The following SDK1 variants were observed in gnomAD, a reference collection of about 807,000 sequenced individuals.
The protein encoded by SDK1 is protein sidekick-1.
A neutral mutation model predicts 245.5 loss-of-function variants in SDK1; 157 were observed. That is an observed-to-expected ratio of 0.64 (90% CI 0.56 to 0.73). The LOEUF is 0.73. Among genes scored for constraint, SDK1 ranks in the 30% least tolerant of loss-of-function variants. SDK1 has a pLI of 0.00. For synonymous variants in SDK1, 1,647 were observed against 1,278.5 expected (o/e 1.29, Z -6.15); for missense variants, 3,583 against 3,002.3 (o/e 1.19, Z -4.52).
At chr7:3,417,034 C>T (rs1223521291) in intron 1 of SDK1, among the ~76,000 whole-genome samples, 2 of 151,932 alleles carry the variant, frequency 1.3e-5, no homozygotes, top group African/African-American at 4.8e-5. Flanking sequence ...ATTAGCTGGG[C>T]ATGATGGCAT....
intron 6 of SDK1, 69 bp from the exon 7 acceptor site, chr7:3,951,661 C>G: frequency 7.0e-7 from 1 of 1,422,888 alleles, no homozygotes; most frequent in South Asian, 1.2e-5. Context: ...GTGCCGAGTG[C>G]CTGAGATGAT....
intron 1 of SDK1, among the ~76,000 whole-genome samples, chr7:3,550,452 A>G (rs1014475327): frequency 1.3e-5 from 2 of 152,232 alleles, no homozygotes; most frequent in East Asian, 1.9e-4. Flanking sequence ...TGACTAAGGC[A>G]TGTGCCTCAT....
At chr7:3,900,498 G>A (rs906539658) in intron 5 of SDK1, among the ~76,000 whole-genome samples, 5 of 151,920 alleles carry the variant, frequency 3.3e-5, no homozygotes, top group African/African-American at 9.7e-5. Flanking sequence ...TGCTTCTCTC[G>A]TCCTGCCCAT....
intron 2 of SDK1, among the ~76,000 whole-genome samples, chr7:3,623,495 C>T (rs943578282): frequency 6.6e-6 from 1 of 152,092 alleles, no homozygotes; most frequent in Non-Finnish European, 1.5e-5. Context: ...CCTGTCTCAG[C>T]CTCCCAAAGT....
intron 1 of SDK1, among the ~76,000 whole-genome samples, chr7:3,524,527 A>AGT (rs977294827): frequency 7.2e-5 from 11 of 152,046 alleles, no homozygotes; most frequent in Middle Eastern, 6.8e-3. Flanking sequence ...TGGGTTATGG[A>AGT]GTGTGTGTGT....
intron 5 of SDK1, among the ~76,000 whole-genome samples, chr7:3,893,649 G>C (rs1781517598): frequency 6.6e-6 from 1 of 151,502 alleles, no homozygotes; most frequent in African/African-American, 2.4e-5. Context: ...CTCTGGTTAA[G>C]AGATAAAGAA....
At chr7:3,797,918 C>A (rs893170013) in intron 4 of SDK1, among the ~76,000 whole-genome samples, 1 of 152,130 alleles carries the variant, frequency 6.6e-6, no homozygotes, top group Non-Finnish European at 1.5e-5. Context: ...TCATTCAAAT[C>A]ACTTTTTTAT....
chr7:3,507,921 A>C (rs7794298), intron 1 of SDK1, among the ~76,000 whole-genome samples: 4,940 of 152,258 alleles, frequency 0.032, 287 homozygotes, highest in African/African-American at 0.11. Context: ...CCTATGGTTT[A>C]AACCTATCTC....
chr7:3,654,794 A>G (rs1321235147), intron 4 of SDK1, among the ~76,000 whole-genome samples: 2 of 152,340 alleles, frequency 1.3e-5, no homozygotes, highest in African/African-American at 4.8e-5. Flanking sequence ...CTTAAATGAC[A>G]GGAGTTTAAT....
intron 35 of SDK1, among the ~76,000 whole-genome samples, chr7:4,195,474 G>C (rs1425681566): frequency 6.6e-6 from 1 of 152,096 alleles, no homozygotes; most frequent in Admixed American, 6.6e-5. Context: ...GCTGCCTCTG[G>C]AGCCACAGCT....
rs115171138 is a variant in SDK1 at position 3,677,662 on chromosome 7, T to C, written c.713+35557T>C. ...TAGGGACACAGCCAAACCATATCAA[T>C]TGTTAAATGTAAAGACAGTGTTTAT... On this transcript the variant is annotated intron_variant, in intron 4 of 44. Coordinates refer to ENST00000404826, the MANE Select transcript of SDK1 (RefSeq NM_152744.4). Among the ~76,000 whole-genome samples, 254 of 152,344 alleles carry C rather than the reference T, an allele frequency of 1.7e-3. 1 individual carries two copies. Among genetic ancestry groups the C allele is most frequent in the African/African-American group, 6.0e-3 (248 of 41,588 alleles).
intron 22 of SDK1, among the ~76,000 whole-genome samples, chr7:4,105,165 C>G: frequency 6.7e-6 from 1 of 149,880 alleles, no homozygotes; most frequent in South Asian, 2.1e-4. Flanking sequence ...GTATTTTTAG[C>G]AGAGACGGGG....
At chr7:3,794,406 T>G (rs1416262034) in intron 4 of SDK1, among the ~76,000 whole-genome samples, 1 of 152,200 alleles carries the variant, frequency 6.6e-6, no homozygotes, top group Non-Finnish European at 1.5e-5. Flanking sequence ...TGCTGTGGTT[T>G]GAATGTTTAT....
intron 35 of SDK1, among the ~76,000 whole-genome samples, chr7:4,186,495 G>A: frequency 6.6e-6 from 1 of 152,332 alleles, no homozygotes; most frequent in East Asian, 1.9e-4. Context: ...CTTGGAGCCT[G>A]TGGCCTCGTG....
chr7:3,672,595 AAT>A (rs1331810661), intron 4 of SDK1, among the ~76,000 whole-genome samples: 3 of 142,134 alleles, frequency 2.1e-5, no homozygotes, highest in Non-Finnish European at 4.5e-5. Context: ...ATATATATAT[AAT>A]ATATATATTT....
chr7:3,932,791 T>C (rs1406250306), intron 5 of SDK1, among the ~76,000 whole-genome samples: 2 of 152,154 alleles, frequency 1.3e-5, no homozygotes, highest in Non-Finnish European at 2.9e-5. Flanking sequence ...GACCCACCCA[T>C]TCCCAGAGAT....
intron 1 of SDK1, among the ~76,000 whole-genome samples, chr7:3,494,962 A>G (rs1473549655): frequency 6.6e-6 from 1 of 152,180 alleles, no homozygotes; most frequent in Non-Finnish European, 1.5e-5. Flanking sequence ...ATTATTTCTT[A>G]TGGGTTAACA....
chr7:3,982,874 A>T (rs1199238188), intron 13 of SDK1, among the ~76,000 whole-genome samples: 1 of 150,716 alleles, frequency 6.6e-6, no homozygotes, highest in Non-Finnish European at 1.5e-5. Context: ...GATTCATGGG[A>T]GGAGATCACA....
At chr7:3,356,300 A>G (rs1214938147) in intron 1 of SDK1, among the ~76,000 whole-genome samples, 1 of 152,164 alleles carries the variant, frequency 6.6e-6, no homozygotes, top group Non-Finnish European at 1.5e-5. Flanking sequence ...CATAAAGCAG[A>G]TGTACAGTTC....
Sources: gnomAD v4.1 joint callset for allele counts (sites outside exome capture counted in the v4.1 genomes callset) on GRCh38, gnomAD v4.1.1 for gene constraint, MANE v1.5 for transcripts, NCBI Gene and HGNC (gene_info 2026-07-23, HGNC 2026-07-21) for gene names.